Variants in LRRC69 observed in about 807,000 individuals in gnomAD.
LRRC69 encodes the protein leucine rich repeat containing 69.
A neutral mutation model predicts 37.8 loss-of-function variants in LRRC69; 42 were observed. That is an observed-to-expected ratio of 1.11 (90% CI 0.87 to 1.44). The LOEUF is 1.44. Ranked by LOEUF, LRRC69 falls within the 40% of genes most tolerant of loss-of-function variation. The probability of loss-of-function intolerance (pLI) is 0.00; values close to 1 mark genes in which losing one functional copy is unlikely to be tolerated. For synonymous variants in LRRC69, 141 were observed against 143.1 expected, an observed-to-expected ratio of 0.99 and a Z score of 0.11; for missense variants, 357 against 401.9, an observed-to-expected ratio of 0.89 and a Z score of 0.96.
intron 7 of LRRC69, chr8:91,206,857 C>T (rs1337229026): frequency 1.6e-6 from 2 of 1,286,542 alleles, no homozygotes; most frequent in South Asian, 2.5e-5. Context: ...GTAATTTTGC[C>T]AATTTCAGAA....
At chr8:91,206,579 A>T in intron 7 of LRRC69, 1 of 807,398 alleles carries the variant, frequency 1.2e-6, no homozygotes, top group South Asian at 1.8e-5. Flanking sequence ...CCTGCTTTCC[A>T]CTGGTGATGT....
At chr8:91,174,465 A>G (rs1257876955) in intron 5 of LRRC69, among the ~76,000 whole-genome samples, 4 of 152,206 alleles carry the variant, frequency 2.6e-5, no homozygotes, top group Non-Finnish European at 5.9e-5. Context: ...ACCAAGCCAT[A>G]AGCTTCAACT....
At chr8:91,150,514 A>G (rs1204493064) in intron 5 of LRRC69, among the ~76,000 whole-genome samples, 1 of 151,876 alleles carries the variant, frequency 6.6e-6, no homozygotes, top group East Asian at 1.9e-4. Flanking sequence ...TTTTTGCGTC[A>G]ATGTTCATCA....
intron 5 of LRRC69, among the ~76,000 whole-genome samples, chr8:91,139,594 C>T (rs1808497434): frequency 6.6e-6 from 1 of 150,902 alleles, no homozygotes; most frequent in Non-Finnish European, 1.5e-5. Flanking sequence ...GGAGGCGGAG[C>T]TTGCAGTGAG....
At chr8:91,138,736 G>A (rs1042342128) in intron 5 of LRRC69, 1 of 151,834 alleles carries the variant, frequency 6.6e-6, no homozygotes, top group Admixed American at 6.6e-5. Flanking sequence ...AAAAAATCTG[G>A]CATGACCACA....
intron 1 of LRRC69, among the ~76,000 whole-genome samples, chr8:91,121,723 C>G (rs1191291094): frequency 6.6e-6 from 1 of 152,012 alleles, no homozygotes; most frequent in Non-Finnish European, 1.5e-5. Flanking sequence ...GTGTAAGTGC[C>G]TTGAGGGCAA....
intron 5 of LRRC69, among the ~76,000 whole-genome samples, chr8:91,160,960 C>A (rs760927657): frequency 6.6e-6 from 1 of 151,154 alleles, no homozygotes; most frequent in Admixed American, 6.6e-5. Context: ...TTTGTTTAGT[C>A]ATATTCCTTT....
chr8:91,194,598 T>G (rs1353786607), intron 6 of LRRC69, among the ~76,000 whole-genome samples: 13 of 151,504 alleles, frequency 8.6e-5, no homozygotes, highest in Non-Finnish European at 1.5e-4. Context: ...GTCGAGGAAT[T>G]TATCCATTTC....
chr8:91,124,679 AT>A, intron 2 of LRRC69, 60 bp downstream of exon 2: 1 of 1,368,694 alleles, frequency 7.3e-7, no homozygotes, highest in Non-Finnish European at 9.7e-7. Context: ...ATATTTAATA[AT>A]ATGAGACTGA....
chr8:91,192,910 A>G lies in LRRC69; in HGVS notation c.753+3287A>G, dbSNP rs370669170. ...CATTGCTTTTGGTGTTTTAGACATGAAGTCCTTGCCCAAGCCTATGTCCTG... is the reference window on the plus strand; with the variant it reads ...CATTGCTTTTGGTGTTTTAGACATGGAGTCCTTGCCCAAGCCTATGTCCTG... On this transcript the variant is annotated intron_variant, in intron 6 of 7. Transcript: ENST00000448384. 2.4e-4 allele frequency among the ~76,000 whole-genome samples: 37 copies of G among 152,194 alleles called. No individual in the cohort carries two copies. The East Asian group carries it at 5.6e-3, about 23-fold the overall frequency.
intron 7 of LRRC69, among the ~76,000 whole-genome samples, chr8:91,202,049 T>C (rs1033549595): frequency 3.3e-5 from 5 of 151,866 alleles, no homozygotes; most frequent in Admixed American, 3.3e-4. Flanking sequence ...CTACTAAAAA[T>C]ACAAAAATTA....
intron 1 of LRRC69, among the ~76,000 whole-genome samples, chr8:91,103,092 G>C (rs1264098908): frequency 6.6e-6 from 1 of 152,156 alleles, no homozygotes; most frequent in Non-Finnish European, 1.5e-5. Flanking sequence ...AGGGGACTAG[G>C]TCTCTGCCAC....
At chr8:91,175,204 C>T (rs918863271) in intron 5 of LRRC69, among the ~76,000 whole-genome samples, 9 of 151,954 alleles carry the variant, frequency 5.9e-5, no homozygotes, top group African/African-American at 2.2e-4. Context: ...ACAGGAGATA[C>T]GGTAAGGCTG....
chr8:91,145,610 C>T (rs1808606740), intron 5 of LRRC69, among the ~76,000 whole-genome samples: 1 of 151,814 alleles, frequency 6.6e-6, no homozygotes, highest in Non-Finnish European at 1.5e-5. Flanking sequence ...TTTAAAACAA[C>T]ATTCACTGAC....
intron 5 of LRRC69, among the ~76,000 whole-genome samples, chr8:91,165,986 C>G (rs1449194292): frequency 6.6e-6 from 1 of 151,688 alleles, no homozygotes; most frequent in East Asian, 1.9e-4. Context: ...GAGTGAAGGG[C>G]AGCCAGAGTG....
chr8:91,164,441 C>A (rs1808995482), intron 5 of LRRC69, among the ~76,000 whole-genome samples: 1 of 151,524 alleles, frequency 6.6e-6, no homozygotes, highest in Non-Finnish European at 1.5e-5. Context: ...AAGGTCAGAA[C>A]CTTCAAAGAT....
At chr8:91,201,259 G>A (rs1398574614) in intron 7 of LRRC69, among the ~76,000 whole-genome samples, 1 of 152,048 alleles carries the variant, frequency 6.6e-6, no homozygotes, top group African/African-American at 2.4e-5. Context: ...TGAATCCCAG[G>A]GCAGTTCACA....
rs1809263339 is a variant in LRRC69, at chr8:91,177,985, A to T, written c.652-11537A>T. ...TGCCTCAGCCTCCCTAGTAGCTGGG[A>T]CTACTGGGGCCCGCCACCACACCCG... On this transcript the variant is annotated intron_variant, in intron 5 of 7. Coordinates refer to ENST00000448384, the Ensembl canonical transcript of LRRC69. 2.6e-5 allele frequency among the ~76,000 whole-genome samples: 4 copies of T among 151,276 alleles called. No individual in the cohort carries two copies. In the South Asian group the frequency reaches 8.4e-4, roughly 32 times the overall value.
chr8:91,177,362 A>G (rs1022604615), intron 5 of LRRC69, among the ~76,000 whole-genome samples: 85 of 152,172 alleles, frequency 5.6e-4, no homozygotes, highest in Non-Finnish European at 1.1e-3. Context: ...GTACTTTTTC[A>G]TCTCATCTGA....
Sources: allele counts gnomAD v4.1 joint callset (sites outside exome capture counted in the v4.1 genomes callset), GRCh38; gene constraint gnomAD v4.1.1; transcripts MANE v1.5; gene names NCBI Gene and HGNC (gene_info 2026-07-23, HGNC 2026-07-21).